The following SLC2A2 variants were observed in gnomAD, a reference collection of about 807,000 sequenced individuals.
SLC2A2 encodes the protein solute carrier family 2 member 2.
In SLC2A2, 36 loss-of-function variants were observed where a neutral mutation model predicts 54.5. The observed-to-expected ratio is 0.66, with a 90% CI of 0.51 to 0.87. The LOEUF (loss-of-function observed/expected upper bound fraction) is 0.87, where lower values mean the gene tolerates loss of function less well. Among genes scored for constraint, SLC2A2 ranks in the 40% least tolerant of loss-of-function variants. SLC2A2 has a pLI of 0.00. For missense variants in SLC2A2, 543 were observed against 624.3 expected (o/e 0.87, Z 1.39); for synonymous variants, 223 against 219.1 (o/e 1.02, Z -0.16).
At chr3:171,016,588 T>C (rs61791109) in intron 2 of SLC2A2, among the ~76,000 whole-genome samples, 57,402 of 152,060 alleles carry the variant, frequency 0.38, 12,702 homozygotes, top group African/African-American at 0.63. Context: ...CATAACCATA[T>C]GAAAGTGTGA....
rs116108014 is a variant in SLC2A2 at position 171,001,510 on chromosome 3, G to A, written c.1068+1066C>T. Among the ~76,000 whole-genome samples the A allele has an allele frequency of 6.7e-3, 1,012 of 152,116 alleles. 15 individuals are homozygous for A. The highest frequency in any genetic ancestry group is 0.022 in the African/African-American group (931 of 41,518). On this transcript the variant is annotated intron_variant, in intron 8 of 10. Transcript: ENST00000314251. ...ACAAACCTGCCTTTTGATCTGGGTA[G>A]CCAGGCTGTAATTTATTGATCACCC...
chr3:171,007,552 C>T (rs1211728986), intron 4 of SLC2A2: 5 of 394,354 alleles, frequency 1.3e-5, no homozygotes, highest in African/African-American at 4.1e-5. Flanking sequence ...TTTTAGTTTA[C>T]ATCATAATGC....
At chr3:171,017,270 C>A (rs942118602) in intron 2 of SLC2A2, among the ~76,000 whole-genome samples, 2 of 152,128 alleles carry the variant, frequency 1.3e-5, no homozygotes, top group African/African-American at 4.8e-5. Flanking sequence ...TCCAGGAAAC[C>A]TGCTAAATTG....
At chr3:170,998,789 C>T (rs1194807579) in intron 9 of SLC2A2, among the ~76,000 whole-genome samples, 1 of 152,112 alleles carries the variant, frequency 6.6e-6, no homozygotes, top group African/African-American at 2.4e-5. Flanking sequence ...GCATTAAAAC[C>T]CAGTTGGCGG....
rs1715101735 is a variant in SLC2A2, at chr3:170,996,879, A to G, written c.*1024T>C. The stretch of plus-strand genomic sequence containing the variant: ...AGCTGAACATTTATGAAGTTTCAGA[A>G]GCCCACACTCAGGAATCCTCAAACC... On this transcript the variant is annotated 3_prime_UTR_variant, in exon 11 of 11. Coordinates refer to ENST00000314251, the MANE Select transcript of SLC2A2 (RefSeq NM_000340.2). The G allele has an allele frequency of 2.6e-6, 1 of 384,948 alleles. No individual in the cohort carries two copies. Among genetic ancestry groups the G allele is most frequent in the Non-Finnish European group, 4.6e-6 (1 of 217,404 alleles). 23.8% of individuals were successfully genotyped at this position (384,948 alleles called of 1,614,324 possible).
chr3:171,013,900 G>A (rs918151035), intron 3 of SLC2A2, among the ~76,000 whole-genome samples: 5 of 111,998 alleles, frequency 4.5e-5, no homozygotes, highest in African/African-American at 9.3e-5. Context: ...AAACTCAAGT[G>A]ATAAATGGGG....
At position 171,018,619 on chromosome 3, in the gene SLC2A2, G is replaced by T. The variant is rs369700669; in HGVS notation, c.20C>A (p.Thr7Asn). Reference protein sequence around the residue: MTEDKVTGTLVFTVITA... With the variant: MTEDKVNGTLVFTVITA... ...GATGACAGTGAAAACCAGGGTCCCA[G>T]TGACCTGCAGGGGGCGAGACACAGG... The change falls in exon 2 of 11, where the codon ACT (threonine) becomes AAT (asparagine). Residue 7 changes from threonine to asparagine, a missense_variant. Thr to Asn is a moderately conservative substitution (Grantham distance 65). Coordinates refer to ENST00000314251, the MANE Select transcript of SLC2A2 (RefSeq NM_000340.2). 9 of 1,612,360 alleles carry T rather than the reference G, an allele frequency of 5.6e-6. No individual in the cohort carries two copies. In the African/African-American group the frequency reaches 1.2e-4, roughly 22 times the overall value.
intron 1 of SLC2A2, among the ~76,000 whole-genome samples, chr3:171,019,590 A>G (rs1314715514): frequency 6.6e-6 from 1 of 152,178 alleles, no homozygotes; most frequent in Admixed American, 6.5e-5. Context: ...TGTGCATGTG[A>G]TAGCAAAATT....
In SLC2A2 at chr3:171,010,063, C is replaced by T; in HGVS notation, c.391G>A (p.Ala131Thr). 1 of 1,612,444 alleles carries T rather than the reference C, an allele frequency of 6.2e-7. No individual in the cohort carries two copies. Among genetic ancestry groups the T allele is most frequent in the South Asian group, 1.1e-5 (1 of 91,050 alleles). Residue 131 changes from alanine (A) to threonine (T), a missense_variant, in exon 4 of 11, where the codon GCA (alanine) becomes ACA (threonine). Transcript: ENST00000314251. Reference sequence around the variant, plus strand: ...GCTCCAACTAATGACAGAATGTTTGCTACTAACATGGCTTTGATTCTGAAA... The same window carrying T: ...GCTCCAACTAATGACAGAATGTTTGTTACTAACATGGCTTTGATTCTGAAA... Reference protein sequence around the residue: ...TLGRIKAMLVANILSLVGALL... With the variant: ...TLGRIKAMLVTNILSLVGALL...
intron 1 of SLC2A2, among the ~76,000 whole-genome samples, chr3:171,019,119 ATATACGTATG>A (rs1353618670): frequency 3.3e-3 from 18 of 5,510 alleles, no homozygotes; most frequent in African/African-American, 0.01. Context: ...ATATATATAT[ATATACGTATG>A]TATATATATA....
rs1258621213 is a variant in SLC2A2 at position 170,996,358 on chromosome 3, A to G, written c.*1545T>C. On this transcript the variant is annotated 3_prime_UTR_variant, in exon 11 of 11. Coordinates refer to ENST00000314251, the MANE Select transcript of SLC2A2 (RefSeq NM_000340.2). ...AAAACAAATCACACTGAAAAGAAAC[A>G]ATTTCTTGTTCTTTGGACTGCTAAA... is the stretch of plus-strand genomic sequence containing the variant. The G allele has an allele frequency of 2.8e-6, 1 of 359,228 alleles. No homozygotes were observed. The highest frequency in any genetic ancestry group is 5.0e-6 in the Non-Finnish European group (1 of 200,928). The allele number at this position is 359,228 out of a possible 1,614,324, so 22.3% of individuals were successfully genotyped here. A position where few individuals can be genotyped will look rare whatever the true frequency, so the allele number is the denominator to read the frequency against.
At chr3:171,024,156 C>T (rs1716583834) in intron 1 of SLC2A2, among the ~76,000 whole-genome samples, 1 of 152,124 alleles carries the variant, frequency 6.6e-6, no homozygotes, top group African/African-American at 2.4e-5. Context: ...CTAGTTAATG[C>T]ATAGGATTAC....
At chr3:171,013,698 G>A (rs1399766893) in intron 3 of SLC2A2, among the ~76,000 whole-genome samples, 1 of 113,580 alleles carries the variant, frequency 8.8e-6, no homozygotes, top group Non-Finnish European at 1.8e-5. Context: ...TTTTTATCAT[G>A]AGAAAAAAAG....
chr3:171,024,438 G>A (rs191039842), intron 1 of SLC2A2, among the ~76,000 whole-genome samples: 84 of 152,272 alleles, frequency 5.5e-4, no homozygotes, highest in Non-Finnish European at 8.8e-4. Context: ...TGTGGGAACC[G>A]AGAGCTGATG....
chr3:171,007,079 T>C, intron 5 of SLC2A2, 69 bp downstream of exon 5: 1 of 854,618 alleles, frequency 1.2e-6, no homozygotes, highest in Non-Finnish European at 2.0e-6. Flanking sequence ...GGGGATGCAA[T>C]AGTAGTAGTG....
chr3:171,006,115 C>T lies in SLC2A2; in HGVS notation c.613-10G>A. 1 of 1,610,130 alleles carries T rather than the reference C, an allele frequency of 6.2e-7. No homozygotes were observed. The highest frequency in any genetic ancestry group is 8.5e-7 in the Non-Finnish European group (1 of 1,177,110). ...ATTCAAGACCAATAATCTGAAAATG[C>T]AAGGAGGAAGTATATCAACTACATA... On this transcript the variant is annotated splice_polypyrimidine_tract_variant and intron_variant, in intron 5 of 10. Coordinates refer to ENST00000314251, the MANE Select transcript of SLC2A2 (RefSeq NM_000340.2).
rs1364758887 is a variant in SLC2A2, at chr3:170,997,246, G to A, written c.*657C>T. On this transcript the variant is annotated 3_prime_UTR_variant, in exon 11 of 11. Coordinates refer to ENST00000314251, the MANE Select transcript of SLC2A2 (RefSeq NM_000340.2). ...AAAACCATTTGGCCATTAAATAAAG[G>A]AACTAAAATGGTTTTCTTTTCTGAG... 1 of 152,154 alleles carries A rather than the reference G, an allele frequency of 6.6e-6. No homozygotes were observed. Among genetic ancestry groups the A allele is most frequent in the Non-Finnish European group, 1.5e-5 (1 of 68,078 alleles). 9.4% of individuals were successfully genotyped at this position (152,154 alleles called of 1,614,324 possible).
chr3:171,003,500 A>G (rs906930079), intron 7 of SLC2A2, among the ~76,000 whole-genome samples: 1 of 151,556 alleles, frequency 6.6e-6, no homozygotes, highest in Non-Finnish European at 1.5e-5. Context: ...ATTTATTTTG[A>G]TTTTTGCCTT....
Position 171,005,434 on chromosome 3 carries a change from CT to C in SLC2A2, c.813del (p.Asp272IlefsTer5). On this transcript the variant is annotated frameshift_variant, in exon 7 of 11. Transcript: ENST00000314251. LOFTEE classifies it high-confidence loss of function. ...KRLRGYDDVT[K>X]DINEMRKERE... is the part of the protein sequence containing the mutation. Reference sequence around the variant, plus strand: ...CTTTCTTTTCTCATTTCATTAATATCTTTGGTGACATCATCATATCCTCTGA... The same window carrying C: ...CTTTCTTTTCTCATTTCATTAATATCTTGGTGACATCATCATATCCTCTGA... The C allele has an allele frequency of 6.2e-7, 1 of 1,612,602 alleles. No individual in the cohort carries two copies. The highest frequency in any genetic ancestry group is 8.5e-7 in the Non-Finnish European group (1 of 1,179,164).
Sources: allele counts gnomAD v4.1 joint callset (sites outside exome capture counted in the v4.1 genomes callset), GRCh38; gene constraint gnomAD v4.1.1; transcripts MANE v1.5; gene names NCBI Gene and HGNC (gene_info 2026-07-23, HGNC 2026-07-21).